The following DLEU7 variants were observed in gnomAD, a reference collection of about 807,000 sequenced individuals.
DLEU7 encodes the protein leukemia-associated protein 7.
In DLEU7, 17 loss-of-function variants were observed where a neutral mutation model predicts 16.0. That is an observed-to-expected ratio of 1.06 (90% CI 0.73 to 1.59). The LOEUF is 1.59. Ranked by LOEUF, DLEU7 falls within the 40% of genes most tolerant of loss-of-function variation. DLEU7 has a pLI of 0.00. For missense variants in DLEU7, 308 were observed against 314.9 expected (o/e 0.98, Z 0.17); for synonymous variants, 113 against 139.8 (o/e 0.81, Z 1.35).
chr13:50,711,984 T>A (rs1466060134), exon 2 of DLEU7: 2 of 152,136 alleles, frequency 1.3e-5, no homozygotes, highest in African/African-American at 2.4e-5. Context: ...GGACCATTTA[T>A]GAAACTATCT....
At chr13:50,817,098 T>C (rs1341402599) in intron 1 of DLEU7, among the ~76,000 whole-genome samples, 1 of 152,122 alleles carries the variant, frequency 6.6e-6, no homozygotes, top group Non-Finnish European at 1.5e-5. Flanking sequence ...TTATGCTCCA[T>C]AGGCATTTTG....
chr13:50,821,702 A>T (rs1378653612), downstream of DLEU7, among the ~76,000 whole-genome samples: 1 of 150,620 alleles, frequency 6.6e-6, no homozygotes, highest in Non-Finnish European at 1.5e-5. Context: ...GACAGAAAAT[A>T]AAAAATGTTC....
chr13:50,799,599 T>C (rs1876194158), intron 1 of DLEU7, among the ~76,000 whole-genome samples: 1 of 152,216 alleles, frequency 6.6e-6, no homozygotes, highest in Admixed American at 6.5e-5. Context: ...GCAGTTTCCA[T>C]TCCTAGTTGC....
intron 1 of DLEU7, among the ~76,000 whole-genome samples, chr13:50,790,806 C>G (rs185085925): frequency 1.3e-5 from 2 of 152,160 alleles, no homozygotes; most frequent in Admixed American, 1.3e-4. Flanking sequence ...GATGCTCTCT[C>G]GAGGTCCTGG....
chr13:50,805,425 G>A (rs559749412), intron 1 of DLEU7, among the ~76,000 whole-genome samples: 202 of 152,130 alleles, frequency 1.3e-3, no homozygotes, highest in South Asian at 2.9e-3. Context: ...GTTTTTTAAT[G>A]TGTAATTGGA....
chr13:50,748,036 C>T (rs1874449853), intron 1 of DLEU7, among the ~76,000 whole-genome samples: 1 of 152,154 alleles, frequency 6.6e-6, no homozygotes, highest in Non-Finnish European at 1.5e-5. Context: ...CTAGACCATG[C>T]TCCTCAAAAT....
chr13:50,836,115 C>T (rs1271843527), intron 1 of DLEU7, among the ~76,000 whole-genome samples: 2 of 152,216 alleles, frequency 1.3e-5, no homozygotes, highest in East Asian at 3.8e-4. Flanking sequence ...TCAGCTCATA[C>T]TCACTTAACC....
chr13:50,770,374 G>T (rs1263152320), intron 1 of DLEU7, among the ~76,000 whole-genome samples: 4 of 152,014 alleles, frequency 2.6e-5, no homozygotes, highest in South Asian at 2.1e-4. Context: ...ATGCTTCCAG[G>T]TTTTGCCCAT....
At chr13:50,841,377 G>A (rs1410536875) in intron 1 of DLEU7, among the ~76,000 whole-genome samples, 1 of 151,876 alleles carries the variant, frequency 6.6e-6, no homozygotes, top group Admixed American at 6.6e-5. Flanking sequence ...TCCCTTTAAT[G>A]TCTGGAAAAT....
intron 1 of DLEU7, among the ~76,000 whole-genome samples, chr13:50,776,550 G>A (rs1875501663): frequency 6.6e-6 from 1 of 152,156 alleles, no homozygotes; most frequent in Admixed American, 6.5e-5. Context: ...TAGGAGGTTT[G>A]TGAGCCTCTT....
rs148254100 is a variant in DLEU7 at position 50,718,924 on chromosome 13, G to T, written c.460-5684C>A. Among the ~76,000 whole-genome samples the T allele has an allele frequency of 2.1e-3, 325 of 152,200 alleles. 1 individual carries two copies. The highest frequency in any genetic ancestry group is 7.7e-3 in the African/African-American group (319 of 41,500). ...CTTAGGACTAAGGTCAACAATGGGG[G>T]TTATAAAATAGGAAGGGTTTTCCTA... On this transcript the variant is annotated intron_variant, in intron 1 of 1. Transcript: ENST00000400393.
chr13:50,827,531 C>G (rs1187393837), intron 1 of DLEU7, among the ~76,000 whole-genome samples: 2 of 148,586 alleles, frequency 1.3e-5, no homozygotes, highest in African/African-American at 5.0e-5. Context: ...AAAAAAAATG[C>G]AAAAATTATC....
chr13:50,761,957 G>A (rs639745), intron 1 of DLEU7, among the ~76,000 whole-genome samples: 71,240 of 151,640 alleles, frequency 0.47, 17,718 homozygotes, highest in African/African-American at 0.62. Context: ...TTGGGAGGCC[G>A]AGGTGGGTGG....
At chr13:50,766,743 T>C (rs1172912409) in intron 1 of DLEU7, among the ~76,000 whole-genome samples, 1 of 152,186 alleles carries the variant, frequency 6.6e-6, no homozygotes, top group East Asian at 1.9e-4. Context: ...CCACTGCTTA[T>C]GCCTATAATT....
At chr13:50,768,292 T>A (rs761604957) in intron 1 of DLEU7, among the ~76,000 whole-genome samples, 6 of 152,176 alleles carry the variant, frequency 3.9e-5, no homozygotes, top group Non-Finnish European at 8.8e-5. Context: ...GATTTTATTT[T>A]TTTTTTATTA....
At chr13:50,742,539 G>T (rs9568464) in intron 1 of DLEU7, among the ~76,000 whole-genome samples, 4,153 of 152,188 alleles carry the variant, frequency 0.027, 246 homozygotes, top group East Asian at 0.2. Flanking sequence ...CAAGGTTTAT[G>T]ATTTGTATTT....
At chr13:50,715,495 C>G (rs957003555) in intron 1 of DLEU7, 4 of 152,684 alleles carry the variant, frequency 2.6e-5, no homozygotes, top group African/African-American at 9.7e-5. Flanking sequence ...GGGGCGAGAG[C>G]TGGAGAAGTC....
chr13:50,727,864 G>A (rs1027515847), intron 1 of DLEU7, among the ~76,000 whole-genome samples: 1 of 152,214 alleles, frequency 6.6e-6, no homozygotes, highest in Admixed American at 6.5e-5. Flanking sequence ...TGGCTCCCCA[G>A]CCTCTTCCAG....
At position 50,764,892 on chromosome 13, in the gene DLEU7, G is replaced by GTTTTGTTTTGTTTTCTTTTC. The variant is rs71693659; in HGVS notation, c.460-51653_460-51652insGAAAAGAAAACAAAACAAAA. ...TTTTGGGTTTGTTTTGTTTTGTTTT[G>GTTTTGTTTTGTTTTCTTTTC]TTTTGTTTGAGACAGAGTCTCACTC... On this transcript the variant is annotated intron_variant, in intron 1 of 1. Coordinates refer to the DLEU7 transcript ENST00000400393. Among the ~76,000 whole-genome samples the GTTTTGTTTTGTTTTCTTTTC allele has an allele frequency of 3.7e-4, 57 of 152,018 alleles. No homozygotes were observed. In the East Asian group the frequency reaches 8.2e-3, roughly 22 times the overall value.
Sources: gnomAD v4.1 joint callset for allele counts (sites outside exome capture counted in the v4.1 genomes callset) on GRCh38, gnomAD v4.1.1 for gene constraint, MANE v1.5 for transcripts, NCBI Gene and HGNC (gene_info 2026-07-23, HGNC 2026-07-21) for gene names.